Variants in LAMB1 observed in about 807,000 individuals in gnomAD.
LAMB1 encodes the protein laminin subunit beta-1.
LAMB1 carries 121 observed loss-of-function variants against 222.3 expected under a neutral mutation model. That is an observed-to-expected ratio of 0.54 (90% CI 0.47 to 0.63). LAMB1 has a LOEUF of 0.63. Ranked by LOEUF, LAMB1 falls within the 30% of genes least tolerant of loss-of-function variation. The probability of loss-of-function intolerance (pLI) is 0.00; values close to 1 mark genes in which losing one functional copy is unlikely to be tolerated. For missense variants in LAMB1, 2,172 were observed against 2,240.8 expected (o/e 0.97, Z 0.62); for synonymous variants, 794 against 807.2 (o/e 0.98, Z 0.28).
At chr7:107,933,593 G>C (rs73412506) in intron 27 of LAMB1, among the ~76,000 whole-genome samples, 6,006 of 150,776 alleles carry the variant, frequency 0.04, 365 homozygotes, top group African/African-American at 0.14. Flanking sequence ...CAACAGATGG[G>C]GCAGACATGG....
At chr7:107,998,535 T>C (rs750983975) in intron 3 of LAMB1, 43 bp from the exon 4 acceptor site, 2 of 1,553,174 alleles carry the variant, frequency 1.3e-6, no homozygotes, top group Non-Finnish European at 1.7e-6. Flanking sequence ...AGCAATCTCA[T>C]TAAAAACATT....
intron 8 of LAMB1, among the ~76,000 whole-genome samples, chr7:107,978,616 T>A (rs983748795): frequency 6.6e-5 from 10 of 151,182 alleles, no homozygotes; most frequent in African/African-American, 1.7e-4. Context: ...ACCATTTTTT[T>A]AAAAAGGTTT....
chr7:107,952,221 A>G lies in LAMB1; in HGVS notation c.3082T>C (p.Cys1028Arg), dbSNP rs764216383. The G allele has an allele frequency of 6.3e-7, 1 of 1,594,580 alleles. No individual in the cohort carries two copies. Among genetic ancestry groups the G allele is most frequent in the Non-Finnish European group, 8.6e-7 (1 of 1,164,608 alleles). Residue 1028 changes from cysteine (C) to arginine (R), a missense_variant and splice_region_variant, in exon 23 of 34, where the codon TGT (cysteine) becomes CGT (arginine). By Grantham distance (180) the Cys-to-Arg change is radical. Transcript: ENST00000222399. ...ACGGTGCCCAGGTAATTACAGACAC[A>G]CTCTGCAAAAGAACATCACATTTAC... ...GDALQQDCRK[C>R]VCNYLGTVQE...
intron 28 of LAMB1, 64 bp from the exon 29 acceptor site, chr7:107,931,564 T>C (rs1763576943): frequency 2.1e-6 from 3 of 1,421,996 alleles, no homozygotes; most frequent in Non-Finnish European, 2.9e-6. Flanking sequence ...ACCAGAATAT[T>C]GGAAATGGCT....
intron 29 of LAMB1, among the ~76,000 whole-genome samples, chr7:107,931,095 A>T (rs1448784314): frequency 6.6e-6 from 1 of 152,128 alleles, no homozygotes; most frequent in African/African-American, 2.4e-5. Flanking sequence ...AACAAATTCC[A>T]CGTTCAATTT....
intron 5 of LAMB1, among the ~76,000 whole-genome samples, chr7:107,987,566 T>A (rs919135147): frequency 2.6e-5 from 4 of 152,154 alleles, no homozygotes; most frequent in Non-Finnish European, 5.9e-5. Flanking sequence ...AGTGGCACGA[T>A]CTCAGTTCAA....
At position 107,959,290 on chromosome 7, in the gene LAMB1, G is replaced by A. The variant is rs749083996; in HGVS notation, c.2649C>T (p.Cys883=). ...CCATGGTGTAGTCCTGGCAGTTCAAGCACTCCCCAGTCACTGGGTCGCAGT... is the reference window on the plus strand; with the variant it reads ...CCATGGTGTAGTCCTGGCAGTTCAAACACTCCCCAGTCACTGGGTCGCAGT... The part of the protein sequence containing the change: ...ADDCDPVTGE[C]LNCQDYTMGH... Residue 883 remains cysteine, a synonymous_variant, in exon 20 of 34, where the codon TGC becomes TGT. Coordinates refer to ENST00000222399, the MANE Select transcript of LAMB1 (RefSeq NM_002291.3). The A allele has an allele frequency of 5.0e-6, 8 of 1,614,098 alleles. No individual in the cohort carries two copies. Among genetic ancestry groups the A allele is most frequent in the African/African-American group, 2.7e-5 (2 of 74,946 alleles).
rs995030865 is a variant in LAMB1 at position 107,940,494 on chromosome 7, G to A, written c.3392-136C>T. ...CGACAACAATTGACCAATGGCTCAGGTAGAGACTGTAGCAGCTTCCTCTAG... is the reference window on the plus strand; with the variant it reads ...CGACAACAATTGACCAATGGCTCAGATAGAGACTGTAGCAGCTTCCTCTAG... On this transcript the variant is annotated intron_variant, in intron 24 of 33. Coordinates refer to ENST00000222399, the MANE Select transcript of LAMB1 (RefSeq NM_002291.3). 5.3e-5 allele frequency: 46 copies of A among 859,830 alleles called. No individual in the cohort carries two copies. In the African/African-American group the frequency reaches 7.3e-4, roughly 14 times the overall value. 53.3% of individuals were successfully genotyped at this position (859,830 alleles called of 1,614,324 possible).
At chr7:107,925,161 TACTC>T (rs1359241791) in intron 32 of LAMB1, among the ~76,000 whole-genome samples, 2 of 152,192 alleles carry the variant, frequency 1.3e-5, no homozygotes, top group Non-Finnish European at 2.9e-5. Flanking sequence ...TAGGGAAAGT[TACTC>T]TTACGTAATG....
chr7:107,969,627 TTTG>T (rs752335732), intron 13 of LAMB1, among the ~76,000 whole-genome samples: 69 of 152,336 alleles, frequency 4.5e-4, no homozygotes, highest in Non-Finnish European at 8.4e-4. Context: ...GTTCGCCAAT[TTTG>T]TTGTTGTGTG....
At chr7:107,991,004 TA>T (rs1247409118) in intron 5 of LAMB1, among the ~76,000 whole-genome samples, 1 of 152,216 alleles carries the variant, frequency 6.6e-6, no homozygotes, top group Admixed American at 6.5e-5. Context: ...CCTTGCTTTG[TA>T]TTTCCTCTTG....
chr7:107,965,042 ATC>A (rs1455251456), intron 13 of LAMB1, among the ~76,000 whole-genome samples: 10 of 152,262 alleles, frequency 6.6e-5, no homozygotes, highest in East Asian at 1.9e-4. Flanking sequence ...CCTGAAGAAC[ATC>A]TCCAGCTTGG....
chr7:107,955,528 C>T lies in LAMB1; in HGVS notation c.2793G>A (p.Arg931=). The T allele has an allele frequency of 6.2e-7, 1 of 1,614,078 alleles. No homozygotes were observed. Residue 931 remains arginine, a synonymous_variant, in exon 21 of 34, where the codon AGG becomes AGA. Transcript: ENST00000222399. ...DGPDSGRQFA[R]SCYQDPVTLQ... ...AAGTAACAGGATCTTGGTAGCAGCTCCTGGCAAACTGGCGTCCACTGTCGG... is the reference window on the plus strand; with the variant it reads ...AAGTAACAGGATCTTGGTAGCAGCTTCTGGCAAACTGGCGTCCACTGTCGG...
intron 31 of LAMB1, among the ~76,000 whole-genome samples, chr7:107,928,036 A>C (rs1337227316): frequency 6.6e-6 from 1 of 152,184 alleles, no homozygotes; most frequent in Non-Finnish European, 1.5e-5. Context: ...AATTTTCTTC[A>C]TTTTTTAAAA....
chr7:107,999,229 A>C (rs1186229546), intron 3 of LAMB1, among the ~76,000 whole-genome samples: 2 of 152,220 alleles, frequency 1.3e-5, no homozygotes, highest in African/African-American at 4.8e-5. Flanking sequence ...TTTCTCCTAA[A>C]ATGGGAGCCA....
chr7:107,963,836 C>T (rs181585728), intron 14 of LAMB1, among the ~76,000 whole-genome samples: 33 of 152,342 alleles, frequency 2.2e-4, no homozygotes, highest in East Asian at 1.9e-3. Context: ...CAGTGGCTCA[C>T]GCCTGTAATC....
At chr7:107,938,191 T>G (rs1437029211) in intron 25 of LAMB1, among the ~76,000 whole-genome samples, 1 of 152,202 alleles carries the variant, frequency 6.6e-6, no homozygotes, top group Non-Finnish European at 1.5e-5. Flanking sequence ...GCTGAAAGGT[T>G]GGGAGCCATT....
chr7:107,973,575 G>A (rs2033794883), intron 12 of LAMB1, among the ~76,000 whole-genome samples: 2 of 152,206 alleles, frequency 1.3e-5, no homozygotes, highest in South Asian at 4.1e-4. Flanking sequence ...GAAATAAAGA[G>A]AAATGGAACA....
intron 5 of LAMB1, among the ~76,000 whole-genome samples, chr7:107,987,508 TG>T (rs1053117566): frequency 6.6e-6 from 1 of 152,128 alleles, no homozygotes; most frequent in African/African-American, 2.4e-5. Flanking sequence ...GGCATCAAAT[TG>T]GATCTTTTTT....
Sources: gnomAD v4.1 joint callset for allele counts (sites outside exome capture counted in the v4.1 genomes callset) on GRCh38, gnomAD v4.1.1 for gene constraint, MANE v1.5 for transcripts, NCBI Gene and HGNC (gene_info 2026-07-23, HGNC 2026-07-21) for gene names.